CCDC134: variants seen among roughly 807,000 people sequenced by gnomAD.
CCDC134 encodes the protein coiled-coil domain containing 134.
CCDC134 carries 27 observed loss-of-function variants against 25.6 expected under a neutral mutation model. That is an observed-to-expected ratio of 1.05 (90% CI 0.78 to 1.45). The LOEUF (loss-of-function observed/expected upper bound fraction) is 1.45. Ranked by LOEUF, CCDC134 falls within the 40% of genes most tolerant of loss-of-function variation. The pLI, the probability that CCDC134 is intolerant of heterozygous loss-of-function variation, is 0.00. For synonymous variants in CCDC134, 110 were observed against 115.0 expected, an observed-to-expected ratio of 0.96 and a Z score of 0.28; for missense variants, 261 against 286.7, an observed-to-expected ratio of 0.91 and a Z score of 0.65.
At chr22:41,823,219 A>ATT (rs2076660384) in intron 6 of CCDC134, among the ~76,000 whole-genome samples, 3 of 140,616 alleles carry the variant, frequency 2.1e-5, no homozygotes, top group Admixed American at 7.1e-5. Flanking sequence ...CCATTACCAG[A>ATT]ATTTTTTTTT....
At chr22:41,813,914 T>C in intron 6 of CCDC134, 92 bp downstream of exon 6, 2 of 1,194,984 alleles carry the variant, frequency 1.7e-6, no homozygotes, top group Non-Finnish European at 2.5e-6. Flanking sequence ...TTGGGTGGCT[T>C]TGGACTTGGA....
intron 4 of CCDC134, among the ~76,000 whole-genome samples, chr22:41,812,982 A>G (rs2076604376): frequency 6.6e-6 from 1 of 152,226 alleles, no homozygotes; most frequent in African/African-American, 2.4e-5. Flanking sequence ...TTTGCAGCCC[A>G]GATTTGCTAC....
At chr22:41,802,403 G>A (rs1283361289) in intron 1 of CCDC134, among the ~76,000 whole-genome samples, 2 of 151,712 alleles carry the variant, frequency 1.3e-5, no homozygotes, top group Non-Finnish European at 1.5e-5. Context: ...GGAGACTGGT[G>A]ACTAGGAGTC....
intron 1 of CCDC134, among the ~76,000 whole-genome samples, chr22:41,807,522 A>G (rs907320441): frequency 2.6e-5 from 4 of 151,124 alleles, no homozygotes; most frequent in African/African-American, 9.8e-5. Flanking sequence ...TGACTGTGCC[A>G]CTGCACTCCA....
chr22:41,831,611 TC>T lies in CCDC134; in HGVS notation c.*5792del, dbSNP rs1216984277. 1.3e-5 allele frequency: 2 copies of T among 152,264 alleles called. No homozygotes were observed. The highest frequency in any genetic ancestry group is 4.8e-5 in the African/African-American group (2 of 41,458). 9.4% of individuals were successfully genotyped at this position (152,264 alleles called of 1,614,324 possible). A position where few individuals can be genotyped will look rare whatever the true frequency, so the allele number is the denominator to read the frequency against. ...CGAGGCCTTTGTCCATGTCATCATT[TC>T]CCCTTTGGCTGTAACAGCTGCAGTT... On this transcript the variant is annotated 3_prime_UTR_variant, in exon 7 of 7. Coordinates refer to ENST00000255784, the MANE Select transcript of CCDC134 (RefSeq NM_024821.5).
chr22:41,824,010 T>C (rs1242816843), intron 6 of CCDC134, among the ~76,000 whole-genome samples: 1 of 152,222 alleles, frequency 6.6e-6, no homozygotes, highest in African/African-American at 2.4e-5. Flanking sequence ...TGCTCATTCA[T>C]TGAAAAAACA....
intron 3 of CCDC134, 50 bp from the exon 4 acceptor site, chr22:41,810,157 G>A: frequency 6.2e-7 from 1 of 1,602,218 alleles, no homozygotes; most frequent in Non-Finnish European, 8.5e-7. Flanking sequence ...GATGGGAGCA[G>A]TCTGTGATGG....
chr22:41,813,873 A>G, intron 6 of CCDC134, 51 bp downstream of exon 6: 1 of 1,540,896 alleles, frequency 6.5e-7, no homozygotes, highest in Non-Finnish European at 9.0e-7. Context: ...GCTGGGCCAT[A>G]GGACACCGAG....
At position 41,813,426 on chromosome 22, in the gene CCDC134, A is replaced by G. The variant is rs1569355875; in HGVS notation, c.473A>G (p.His158Arg). 1 of 1,613,842 alleles carries G rather than the reference A, an allele frequency of 6.2e-7. No individual in the cohort carries two copies. The change falls in exon 5 of 7, where the codon CAC becomes CGC. Residue 158 changes from histidine to arginine, a missense_variant. By Grantham distance (29) the His-to-Arg change is conservative (BLOSUM62 0). Transcript: ENST00000255784. ...NQTGVFNQGP[H>R]SPILSLMAQE... ...ACAGGCGTCTTCAACCAGGGGCCCC[A>G]CTCGCCCATCCTCAGCCTGGTAAGG...
chr22:41,823,390 A>G (rs2076661484), intron 6 of CCDC134, among the ~76,000 whole-genome samples: 1 of 151,770 alleles, frequency 6.6e-6, no homozygotes, highest in African/African-American at 2.4e-5. Flanking sequence ...ACACCTGACT[A>G]ATTTTTGTAT....
At chr22:41,812,990 T>C (rs1281680819) in intron 4 of CCDC134, among the ~76,000 whole-genome samples, 1 of 152,224 alleles carries the variant, frequency 6.6e-6, no homozygotes, top group Non-Finnish European at 1.5e-5. Flanking sequence ...CCAGATTTGC[T>C]ACTCACTAGC....
chr22:41,810,080 G>C (rs4512), intron 3 of CCDC134, 80 bp downstream of exon 3: 304,018 of 1,600,136 alleles, frequency 0.19, 34,084 homozygotes, highest in Admixed American at 0.48. Flanking sequence ...GTTCCCTAAC[G>C]GGTTGGTGTT....
chr22:41,811,853 A>G (rs1458997213), intron 4 of CCDC134, among the ~76,000 whole-genome samples: 1 of 152,172 alleles, frequency 6.6e-6, no homozygotes, highest in Non-Finnish European at 1.5e-5. Flanking sequence ...GGGGTTATCT[A>G]TGCTACCGGC....
intron 1 of CCDC134, among the ~76,000 whole-genome samples, chr22:41,806,632 CA>C (rs1331338218): frequency 6.6e-6 from 1 of 151,958 alleles, no homozygotes; most frequent in Non-Finnish European, 1.5e-5. Context: ...GGTGTAAAAA[CA>C]AAAAAATCTT....
intron 4 of CCDC134, among the ~76,000 whole-genome samples, chr22:41,811,708 G>A (rs1469618562): frequency 6.6e-6 from 1 of 152,176 alleles, no homozygotes; most frequent in African/African-American, 2.4e-5. Context: ...TGGGATTACA[G>A]GGGTGAGTTA....
intron 1 of CCDC134, among the ~76,000 whole-genome samples, chr22:41,808,017 G>A (rs2076576787): frequency 6.6e-6 from 1 of 151,950 alleles, no homozygotes. Context: ...AGAATTAGCT[G>A]GGCATGGTGG....
chr22:41,813,036 C>G (rs1285843779), intron 4 of CCDC134, among the ~76,000 whole-genome samples: 1 of 152,212 alleles, frequency 6.6e-6, no homozygotes, highest in Non-Finnish European at 1.5e-5. Flanking sequence ...AAAATGGGAA[C>G]AGCAGCCACA....
At chr22:41,810,385 C>T (rs1005874331) in intron 4 of CCDC134, 94 bp downstream of exon 4, 29 of 1,211,960 alleles carry the variant, frequency 2.4e-5, no homozygotes, top group Admixed American at 8.1e-5. Context: ...TTTTTCTCCC[C>T]GGAAGTGCCC....
intron 1 of CCDC134, among the ~76,000 whole-genome samples, chr22:41,801,634 C>T (rs573378358): frequency 6.6e-6 from 1 of 152,134 alleles, no homozygotes; most frequent in South Asian, 2.1e-4. Flanking sequence ...GACACCCTCT[C>T]ATCCCTCTGT....
Sources: allele counts gnomAD v4.1 joint callset (sites outside exome capture counted in the v4.1 genomes callset), GRCh38; gene constraint gnomAD v4.1.1; transcripts MANE v1.5; gene names NCBI Gene and HGNC (gene_info 2026-07-23, HGNC 2026-07-21).